MLNR: variants seen among roughly 807,000 people sequenced by gnomAD.
MLNR encodes G protein-coupled receptor 38.
In MLNR, 16 loss-of-function variants were observed where a neutral mutation model predicts 20.0. The ratio of observed to expected loss-of-function variants is 0.80; its 90% CI spans 0.54 to 1.22. The LOEUF is 1.22. MLNR is among the 50% of genes most tolerant of loss of function. MLNR has a pLI of 0.00. For missense variants in MLNR, 630 were observed against 592.3 expected (o/e 1.06, Z -0.66); for synonymous variants, 302 against 287.2 (o/e 1.05, Z -0.52).
chr13:49,220,686 G>T lies in MLNR; in HGVS notation c.349G>T (p.Val117Leu), dbSNP rs201185687. ...GPLLCRLSLY[V>L]GEGCTYATLL... The stretch of plus-strand genomic sequence containing the variant: ...GCTGCTCTGCCGCCTGTCCCTCTAC[G>T]TGGGCGAGGGCTGCACCTACGCCAC... Residue 117 changes from valine to leucine, a missense_variant, in exon 1 of 2, where the codon GTG (valine) becomes TTG (leucine). Coordinates refer to ENST00000218721, the MANE Select transcript of MLNR (RefSeq NM_001507.1). This position sits in a 1 kb window ranked among gnomAD's most constrained non-coding sequence, Gnocchi z 4.4. 13 of 1,601,724 alleles carry T rather than the reference G, an allele frequency of 8.1e-6. No homozygotes were observed. Among genetic ancestry groups the T allele is most frequent in the South Asian group, 1.1e-5 (1 of 89,624 alleles).
chr13:49,221,973 TC>T, intron 1 of MLNR, 66 bp from the exon 2 acceptor site: 1 of 1,401,246 alleles, frequency 7.1e-7, no homozygotes, highest in Non-Finnish European at 9.9e-7. Flanking sequence ...TGGTTCCTTG[TC>T]GGGGTGGGGG....
rs752961778 is a variant in MLNR, at chr13:49,222,127, T to C, written c.989T>C (p.Met330Thr). 5.1e-5 allele frequency: 83 copies of C among 1,614,054 alleles called. No homozygotes were observed. The highest frequency in any genetic ancestry group is 1.2e-4 in the African/African-American group (9 of 74,898). Reference protein sequence around the residue: ...IYINTEDSRMMYFSQYFNIVA... With the variant: ...IYINTEDSRMTYFSQYFNIVA... ...ATAAACACGGAAGATTCGCGGATGA[T>C]GTACTTCTCTCAGTACTTTAACATC... The change falls in exon 2 of 2, where the codon ATG becomes ACG. Residue 330 changes from methionine (M) to threonine (T), a missense_variant. Physicochemically the swap from Met to Thr is moderately conservative, Grantham distance 81. Transcript: ENST00000218721.
At position 49,222,020 on chromosome 13, in the gene MLNR, T is replaced by G; in HGVS notation, c.902-20T>G. ...TTCCCAATGCTTTTGTTAATCCCGG[T>G]GCTGTGTCTTATGTTGCAGTGGTGG... On this transcript the variant is annotated intron_variant, in intron 1 of 1. Coordinates refer to ENST00000218721, the MANE Select transcript of MLNR (RefSeq NM_001507.1). The G allele has an allele frequency of 6.2e-7, 1 of 1,602,636 alleles. No homozygotes were observed. The highest frequency in any genetic ancestry group is 1.1e-5 in the South Asian group (1 of 89,818).
In MLNR at chr13:49,220,671, C is replaced by A. The variant is rs199546202; in HGVS notation, c.334C>A (p.Arg112Ser). 3.7e-6 allele frequency: 6 copies of A among 1,606,380 alleles called. No homozygotes were observed. Among genetic ancestry groups the A allele is most frequent in the African/African-American group, 1.3e-5 (1 of 74,588 alleles). ...CTGGGTGTTCGGGCCGCTGCTCTGCCGCCTGTCCCTCTACGTGGGCGAGGG... is the reference window on the plus strand; with the variant it reads ...CTGGGTGTTCGGGCCGCTGCTCTGCAGCCTGTCCCTCTACGTGGGCGAGGG... ...RPWVFGPLLC[R>S]LSLYVGEGCT... Residue 112 changes from arginine to serine, a missense_variant, in exon 1 of 2, where the codon CGC becomes AGC. Physicochemically the swap from Arg to Ser is moderately radical, Grantham distance 110. Transcript: ENST00000218721. The surrounding 1 kb of genome is among the most constrained non-coding windows in gnomAD (Gnocchi z 4.4).
chr13:49,220,382 G>T lies in MLNR; in HGVS notation c.45G>T (p.Arg15=). Reference sequence around the variant, plus strand: ...GCAGCGACGGCCCCGAGGGGGCGCGGGAGCCGCCGTGGCCCGCGCTGCCGC... The same window carrying T: ...GCAGCGACGGCCCCGAGGGGGCGCGTGAGCCGCCGTGGCCCGCGCTGCCGC... ...WNGSDGPEGA[R]EPPWPALPPC... Residue 15 remains arginine (R), a synonymous_variant, in exon 1 of 2, where the codon CGG becomes CGT. Coordinates refer to ENST00000218721, the MANE Select transcript of MLNR (RefSeq NM_001507.1). The surrounding 1 kb of genome is among the most constrained non-coding windows in gnomAD (Gnocchi z 4.4). 6.8e-7 allele frequency: 1 copy of T among 1,461,634 alleles called. No homozygotes were observed. Among genetic ancestry groups the T allele is most frequent in the Non-Finnish European group, 9.0e-7 (1 of 1,115,324 alleles). 90.5% of individuals were successfully genotyped at this position (1,461,634 alleles called of 1,614,324 possible). A position where few individuals can be genotyped will look rare whatever the true frequency, so the allele number is the denominator to read the frequency against.
At position 49,220,763 on chromosome 13, in the gene MLNR, C is replaced by T. The variant is rs1402369590; in HGVS notation, c.426C>T (p.Arg142=). The T allele has an allele frequency of 6.4e-7, 1 of 1,569,284 alleles. No homozygotes were observed. Among genetic ancestry groups the T allele is most frequent in the Non-Finnish European group, 8.6e-7 (1 of 1,158,522 alleles). ...LSVERYLAIC[R]PLRARVLVTR... ...TCGAGCGCTACCTGGCCATCTGCCGCCCGCTCCGCGCCCGCGTCTTGGTCA... is the reference window on the plus strand; with the variant it reads ...TCGAGCGCTACCTGGCCATCTGCCGTCCGCTCCGCGCCCGCGTCTTGGTCA... The change falls in exon 1 of 2, where the codon CGC becomes CGT. Residue 142 remains arginine (R), a synonymous_variant. Transcript: ENST00000218721. This position sits in a 1 kb window ranked among gnomAD's most constrained non-coding sequence, Gnocchi z 4.4.
intron 1 of MLNR, 40 bp from the exon 2 acceptor site, chr13:49,222,000 A>G: frequency 6.4e-7 from 1 of 1,567,552 alleles, no homozygotes; most frequent in East Asian, 2.2e-5. Context: ...TTTGCTTCCC[A>G]ATGCTTTTGT....
rs780873290 is a variant in MLNR at position 49,220,613 on chromosome 13, G to T, written c.276G>T (p.Pro92=). 5 of 1,612,646 alleles carry T rather than the reference G, an allele frequency of 3.1e-6. No individual in the cohort carries two copies. Among genetic ancestry groups the T allele is most frequent in the East Asian group, 2.2e-5 (1 of 44,818 alleles). The change falls in exon 1 of 2, where the codon CCG becomes CCT. Residue 92 remains proline, a synonymous_variant. Coordinates refer to ENST00000218721, the MANE Select transcript of MLNR (RefSeq NM_001507.1). The surrounding 1 kb of genome is among the most constrained non-coding windows in gnomAD (Gnocchi z 4.4). The part of the protein sequence containing the change: ...VSDLLILLGL[P]FDLYRLWRSR... Reference sequence around the variant, plus strand: ...ACCTACTCATCCTGCTCGGGCTGCCGTTCGACCTGTACCGCCTCTGGCGCT... The same window carrying T: ...ACCTACTCATCCTGCTCGGGCTGCCTTTCGACCTGTACCGCCTCTGGCGCT...
rs199583078 is a variant in MLNR, at chr13:49,220,784, G to T, written c.447G>T (p.Leu149Phe). ...AICRPLRARV[L>F]VTRRRVRALI... ...GCCGCCCGCTCCGCGCCCGCGTCTT[G>T]GTCACCCGGCGCCGCGTCCGCGCGC... is the stretch of plus-strand genomic sequence containing the variant. Residue 149 changes from leucine to phenylalanine, a missense_variant, in exon 1 of 2, where the codon TTG becomes TTT. By Grantham distance (22) the Leu-to-Phe change is conservative. Transcript: ENST00000218721. The surrounding 1 kb of genome is among the most constrained non-coding windows in gnomAD (Gnocchi z 4.4). The T allele has an allele frequency of 6.8e-5, 107 of 1,566,102 alleles. No homozygotes were observed. The East Asian group carries it at 2.4e-3, about 36-fold the overall frequency.
At position 49,221,205 on chromosome 13, in the gene MLNR, G is replaced by C. The variant is rs753560677; in HGVS notation, c.868G>C (p.Glu290Gln). 6.3e-7 allele frequency: 1 copy of C among 1,588,508 alleles called. No individual in the cohort carries two copies. Among genetic ancestry groups the C allele is most frequent in the South Asian group, 1.1e-5 (1 of 89,946 alleles). ...PLRGPAASGR[E>Q]RGHRQTVRVL... is the part of the protein sequence containing the mutation. ...GCGAGGCCCGGCCGCCTCGGGGCGG[G>C]AGAGAGGCCACCGGCAGACCGTCCG... Residue 290 changes from glutamate to glutamine, a missense_variant, in exon 1 of 2, where the codon GAG becomes CAG. Transcript: ENST00000218721.
chr13:49,220,502 C>T lies in MLNR; in HGVS notation c.165C>T (p.Gly55=). 1.2e-6 allele frequency: 2 copies of T among 1,600,476 alleles called. No homozygotes were observed. The highest frequency in any genetic ancestry group is 8.5e-7 in the Non-Finnish European group (1 of 1,174,248). ...CLCLFVVGVS[G]NVVTVMLIGR... ...GCCTGTTCGTCGTCGGGGTGAGCGG[C>T]AACGTGGTGACCGTGATGCTGATCG... Residue 55 remains glycine (G), a synonymous_variant, in exon 1 of 2, where the codon GGC becomes GGT. Transcript: ENST00000218721. The surrounding 1 kb of genome is among the most constrained non-coding windows in gnomAD (Gnocchi z 4.4).
rs769679446 is a variant in MLNR at position 49,220,442 on chromosome 13, G to A, written c.105G>A (p.Leu35=). 6 of 1,549,500 alleles carry A rather than the reference G, an allele frequency of 3.9e-6. No homozygotes were observed. The highest frequency in any genetic ancestry group is 4.3e-6 in the Non-Finnish European group (5 of 1,151,590). The change falls in exon 1 of 2, where the codon CTG becomes CTA. Residue 35 remains leucine, a synonymous_variant. Transcript: ENST00000218721. The surrounding 1 kb of genome is among the most constrained non-coding windows in gnomAD (Gnocchi z 4.4). ...CDERRCSPFP[L]GALVPVTAVC... ...AGCGCCGCTGCTCGCCCTTTCCCCT[G>A]GGGGCGCTGGTGCCGGTGACCGCTG...
At position 49,222,180 on chromosome 13, in the gene MLNR, G is replaced by A. The variant is rs1458760518; in HGVS notation, c.1042G>A (p.Ala348Thr). 7 of 1,613,878 alleles carry A rather than the reference G, an allele frequency of 4.3e-6. No homozygotes were observed. The highest frequency in any genetic ancestry group is 2.7e-5 in the African/African-American group (2 of 74,846). Residue 348 changes from alanine (A) to threonine (T), a missense_variant, in exon 2 of 2, where the codon GCA (alanine) becomes ACA (threonine). Ala to Thr is a moderately conservative substitution (Grantham distance 58). Coordinates refer to ENST00000218721, the MANE Select transcript of MLNR (RefSeq NM_001507.1). ...CGCTCTGCAACTTTTCTATCTGAGC[G>A]CATCTATCAACCCAATCCTCTACAA... ...IVALQLFYLS[A>T]SINPILYNLI...
At chr13:49,221,871 G>A (rs1809968805) in intron 1 of MLNR, among the ~76,000 whole-genome samples, 169 bp from the exon 2 acceptor site, 1 of 152,204 alleles carries the variant, frequency 6.6e-6, no homozygotes, top group South Asian at 2.1e-4. Context: ...AAGTATCCAT[G>A]CAGCCTGCAG....
Position 49,220,937 on chromosome 13 carries a change from G to T in MLNR, c.600G>T (p.Ser200=). The T allele has an allele frequency of 6.6e-7, 1 of 1,519,194 alleles. No homozygotes were observed. The allele number at this position is 1,519,194 out of a possible 1,614,324, so 94.1% of individuals were successfully genotyped here. A position where few individuals can be genotyped will look rare whatever the true frequency, so the allele number is the denominator to read the frequency against. Residue 200 remains serine, a synonymous_variant, in exon 1 of 2, where the codon TCG becomes TCT. Transcript: ENST00000218721. This position sits in a 1 kb window ranked among gnomAD's most constrained non-coding sequence, Gnocchi z 4.4. ...ATGGCACCGCGCGGATCGCCTCCTC[G>T]CCTCTCGCCTCGTCGCCGCCTCTCT... ...GLNGTARIAS[S]PLASSPPLWL... is the part of the protein sequence containing the mutation.
Position 49,221,917 on chromosome 13 carries a change from G to A in MLNR, c.902-123G>A, listed in dbSNP as rs1258342658. 4 of 871,214 alleles carry A rather than the reference G, an allele frequency of 4.6e-6. No individual in the cohort carries two copies. In the African/African-American group the frequency reaches 5.1e-5, roughly 11 times the overall value. The allele number at this position is 871,214 out of a possible 1,614,324, so 54.0% of individuals were successfully genotyped here. ...TTTTCTGGGGTGAGGATCTGCCTAG[G>A]TAGAAGTTTTCTCTAATTTATTTTG... On this transcript the variant is annotated intron_variant, in intron 1 of 1. Transcript: ENST00000218721.
chr13:49,220,388 G>T lies in MLNR; in HGVS notation c.51G>T (p.Pro17=). The part of the protein sequence containing the change: ...GSDGPEGARE[P]PWPALPPCDE... Reference sequence around the variant, plus strand: ...ACGGCCCCGAGGGGGCGCGGGAGCCGCCGTGGCCCGCGCTGCCGCCTTGCG... The same window carrying T: ...ACGGCCCCGAGGGGGCGCGGGAGCCTCCGTGGCCCGCGCTGCCGCCTTGCG... The change falls in exon 1 of 2, where the codon CCG becomes CCT. Residue 17 remains proline, a synonymous_variant. Transcript: ENST00000218721. This position sits in a 1 kb window ranked among gnomAD's most constrained non-coding sequence, Gnocchi z 4.4. 1 of 1,493,492 alleles carries T rather than the reference G, an allele frequency of 6.7e-7. No homozygotes were observed. The highest frequency in any genetic ancestry group is 1.3e-5 in the South Asian group (1 of 77,514). The allele number at this position is 1,493,492 out of a possible 1,614,324, so 92.5% of individuals were successfully genotyped here.
chr13:49,222,279 C>G lies in MLNR; in HGVS notation c.1141C>G (p.His381Asp). 1 of 1,613,792 alleles carries G rather than the reference C, an allele frequency of 6.2e-7. No homozygotes were observed. The highest frequency in any genetic ancestry group is 8.5e-7 in the Non-Finnish European group (1 of 1,179,972). Residue 381 changes from histidine (H) to aspartate (D), a missense_variant, in exon 2 of 2, where the codon CAC (histidine) becomes GAC (aspartate). Physicochemically the swap from His to Asp is moderately conservative, Grantham distance 81. Coordinates refer to ENST00000218721, the MANE Select transcript of MLNR (RefSeq NM_001507.1). ...AAGGAAGTCCAGGCCGAGAGGCTTC[C>G]ACAGAAGCAGGGACACTGCGGGGGA... ...LARKSRPRGF[H>D]RSRDTAGEVA...
rs199835700 is a variant in MLNR, at chr13:49,220,688, G to T, written c.351G>T (p.Val117=). 6.2e-7 allele frequency: 1 copy of T among 1,601,554 alleles called. No individual in the cohort carries two copies. Among genetic ancestry groups the T allele is most frequent in the Admixed American group, 1.7e-5 (1 of 58,708 alleles). ...GPLLCRLSLY[V]GEGCTYATLL... is the part of the protein sequence containing the mutation. ...TGCTCTGCCGCCTGTCCCTCTACGT[G>T]GGCGAGGGCTGCACCTACGCCACGC... The change falls in exon 1 of 2, where the codon GTG becomes GTT. Residue 117 remains valine, a synonymous_variant. Coordinates refer to ENST00000218721, the MANE Select transcript of MLNR (RefSeq NM_001507.1). This position sits in a 1 kb window ranked among gnomAD's most constrained non-coding sequence, Gnocchi z 4.4.
Sources: allele counts gnomAD v4.1 joint callset (sites outside exome capture counted in the v4.1 genomes callset), GRCh38; gene constraint gnomAD v4.1.1; non-coding constraint Gnocchi (gnomAD v3.1); transcripts MANE v1.5; gene names NCBI Gene and HGNC (gene_info 2026-07-23, HGNC 2026-07-21).